The following PSD3 variants were observed in gnomAD, a reference collection of about 807,000 sequenced individuals.
PSD3 encodes the protein pleckstrin and Sec7 domain containing 3, also known as PH and SEC7 domain-containing protein 3.
In PSD3, 49 loss-of-function variants were observed where a neutral mutation model predicts 105.5. The observed-to-expected ratio is 0.46, with a 90% CI of 0.37 to 0.59. The LOEUF (loss-of-function observed/expected upper bound fraction) is 0.59. Among genes scored for constraint, PSD3 ranks in the 20% least tolerant of loss-of-function variants. The pLI is 0.00. For missense variants in PSD3, 1,561 were observed against 1,263.8 expected, an observed-to-expected ratio of 1.24 and a Z score of -3.57; for synonymous variants, 557 against 457.8, an observed-to-expected ratio of 1.22 and a Z score of -2.77.
At chr8:18,581,705 G>A (rs1447233458) in intron 12 of PSD3, among the ~76,000 whole-genome samples, 1 of 152,174 alleles carries the variant, frequency 6.6e-6, no homozygotes, top group African/African-American at 2.4e-5. Context: ...GTGATTTTAA[G>A]AGTCCACTAG....
intron 2 of PSD3, among the ~76,000 whole-genome samples, chr8:18,880,609 ATCATCTCC>A (rs1391089524): frequency 1.3e-5 from 2 of 152,176 alleles, no homozygotes; most frequent in African/African-American, 4.8e-5. Context: ...ATCCATGCCC[ATCATCTCC>A]TCATCTCCTC....
chr8:18,634,064 T>C (rs1020892292), intron 10 of PSD3, among the ~76,000 whole-genome samples: 1 of 152,132 alleles, frequency 6.6e-6, no homozygotes, highest in Admixed American at 6.6e-5. Flanking sequence ...GTATATCTTC[T>C]TTTGAGAACA....
intron 1 of PSD3, among the ~76,000 whole-genome samples, chr8:19,056,098 T>G (rs1186763107): frequency 6.6e-6 from 1 of 152,266 alleles, no homozygotes; most frequent in South Asian, 2.1e-4. Context: ...CTTTGACTTT[T>G]AATCTCATTG....
chr8:18,713,953 A>C (rs1004890306), intron 9 of PSD3, among the ~76,000 whole-genome samples: 1 of 152,196 alleles, frequency 6.6e-6, no homozygotes, highest in African/African-American at 2.4e-5. Context: ...AATGGAACAG[A>C]AAGAGAACTC....
chr8:18,845,208 A>G (rs549659743), intron 4 of PSD3, among the ~76,000 whole-genome samples: 11 of 152,350 alleles, frequency 7.2e-5, no homozygotes, highest in African/African-American at 2.2e-4. Context: ...AGAAGCTGGC[A>G]GCATAAATTA....
intron 1 of PSD3, among the ~76,000 whole-genome samples, chr8:19,071,363 T>C (rs189475562): frequency 3.9e-5 from 6 of 152,306 alleles, no homozygotes; most frequent in African/African-American, 1.4e-4. Flanking sequence ...AATGAATTAC[T>C]GTAGGTACAT....
At chr8:18,958,048 A>G (rs1352000823) in intron 1 of PSD3, among the ~76,000 whole-genome samples, 1 of 152,196 alleles carries the variant, frequency 6.6e-6, no homozygotes, top group Non-Finnish European at 1.5e-5. Context: ...CCACAGACAC[A>G]TACCAAAGAG....
At chr8:18,790,021 T>C (rs567120703) in intron 8 of PSD3, among the ~76,000 whole-genome samples, 45 of 152,098 alleles carry the variant, frequency 3.0e-4, no homozygotes, top group African/African-American at 5.3e-4. Context: ...ATTTTCCATA[T>C]ATAAACCTGT....
chr8:18,707,720 T>A (rs1253360699), intron 9 of PSD3, among the ~76,000 whole-genome samples: 3 of 152,136 alleles, frequency 2.0e-5, no homozygotes, highest in African/African-American at 7.2e-5. Context: ...TATAATAAAA[T>A]AAGGCTCATT....
chr8:18,600,686 C>A (rs1439222754), intron 11 of PSD3, among the ~76,000 whole-genome samples: 2 of 152,234 alleles, frequency 1.3e-5, no homozygotes, highest in African/African-American at 4.8e-5. Flanking sequence ...AACTGAAACA[C>A]AAGGCAATAA....
intron 9 of PSD3, among the ~76,000 whole-genome samples, chr8:18,736,806 T>C (rs977940551): frequency 1.3e-5 from 2 of 152,228 alleles, no homozygotes; most frequent in African/African-American, 4.8e-5. Flanking sequence ...AATCAGTAAT[T>C]AGACTTATTA....
At chr8:19,056,115 G>A (rs1489404193) in intron 1 of PSD3, among the ~76,000 whole-genome samples, 2 of 152,138 alleles carry the variant, frequency 1.3e-5, no homozygotes, top group African/African-American at 4.8e-5. Context: ...ATTGAAATGC[G>A]ATCACTTGCA....
chr8:18,637,283 T>C (rs889685622), intron 10 of PSD3, among the ~76,000 whole-genome samples: 3 of 152,234 alleles, frequency 2.0e-5, no homozygotes, highest in East Asian at 3.9e-4. Flanking sequence ...TCCTTCGTTA[T>C]AGTCTGAATT....
chr8:18,659,437 T>A (rs1336027977), intron 9 of PSD3, among the ~76,000 whole-genome samples: 1 of 152,156 alleles, frequency 6.6e-6, no homozygotes, highest in Non-Finnish European at 1.5e-5. Context: ...CTTATACGGA[T>A]GAGGAAATGA....
chr8:18,862,475 G>A (rs893534020), intron 4 of PSD3, among the ~76,000 whole-genome samples: 1 of 151,974 alleles, frequency 6.6e-6, no homozygotes, highest in Non-Finnish European at 1.5e-5. Flanking sequence ...AATTTAAAAT[G>A]TAAAAGAAAA....
chr8:18,751,200 T>C (rs1805459542), intron 9 of PSD3, among the ~76,000 whole-genome samples: 1 of 152,124 alleles, frequency 6.6e-6, no homozygotes, highest in Non-Finnish European at 1.5e-5. Flanking sequence ...GGAAGGCAGC[T>C]AAGGCCCGGC....
intron 2 of PSD3, among the ~76,000 whole-genome samples, chr8:18,879,168 A>G (rs775274835): frequency 1.8e-4 from 28 of 151,884 alleles, no homozygotes; most frequent in Non-Finnish European, 4.1e-4. Context: ...TAATTCCTTC[A>G]CCCCATTTTT....
At chr8:18,720,824 G>A (rs947682512) in intron 9 of PSD3, 1 of 152,008 alleles carries the variant, frequency 6.6e-6, no homozygotes, top group Non-Finnish European at 1.5e-5. Context: ...TGAGGTTAAA[G>A]GGTCACATTC....
chr8:18,767,413 G>A (rs1807099058), intron 8 of PSD3, among the ~76,000 whole-genome samples: 1 of 152,164 alleles, frequency 6.6e-6, no homozygotes, highest in Non-Finnish European at 1.5e-5. Flanking sequence ...ATCATCTCTA[G>A]CAAAATGTAG....
Sources: allele counts gnomAD v4.1 joint callset (sites outside exome capture counted in the v4.1 genomes callset), GRCh38; gene constraint gnomAD v4.1.1; transcripts MANE v1.5; gene names NCBI Gene and HGNC (gene_info 2026-07-23, HGNC 2026-07-21).